PDE4D: variants seen among roughly 807,000 people sequenced by gnomAD.
PDE4D encodes phosphodiesterase 4D.
Under a neutral mutation model 87.4 loss-of-function variants are expected in PDE4D, and 24 were observed. The observed-to-expected ratio is 0.27, with a 90% CI of 0.20 to 0.39. The LOEUF is 0.39. Ranked by LOEUF, PDE4D falls within the 10% of genes least tolerant of loss-of-function variation. The pLI is 1.00. For missense variants in PDE4D, 714 were observed against 1,041.0 expected, an observed-to-expected ratio of 0.69 and a Z score of 4.32; for synonymous variants, 384 against 383.2, an observed-to-expected ratio of 1.00 and a Z score of -0.02.
intron 1 of PDE4D, among the ~76,000 whole-genome samples, chr5:59,628,246 T>C (rs889522215): frequency 6.6e-6 from 1 of 152,058 alleles, no homozygotes; most frequent in Non-Finnish European, 1.5e-5. Context: ...AACTGGGAGC[T>C]GTGTGGTGTC....
At chr5:59,023,189 AAGAG>A (rs1554048677) in intron 6 of PDE4D, among the ~76,000 whole-genome samples, 20 of 150,346 alleles carry the variant, frequency 1.3e-4, no homozygotes, top group South Asian at 1.0e-3. Context: ...AAAAAAAAAA[AAGAG>A]AGAGAGAGAG....
At chr5:59,802,634 T>C (rs935194978) in intron 1 of PDE4D, among the ~76,000 whole-genome samples, 1 of 152,028 alleles carries the variant, frequency 6.6e-6, no homozygotes, top group Admixed American at 6.6e-5. Flanking sequence ...CCTGACCTCA[T>C]GATCTGCCTG....
chr5:60,102,076 G>C (rs572080229), intron 2 of PDE4D, among the ~76,000 whole-genome samples: 2 of 152,132 alleles, frequency 1.3e-5, no homozygotes, highest in South Asian at 2.1e-4. Flanking sequence ...CTGATCTAGA[G>C]TATCAAAGAA....
At chr5:59,668,833 G>GAAGAAGAAGAAGAA (rs1561441084) in intron 1 of PDE4D, among the ~76,000 whole-genome samples, 1 of 54,064 alleles carries the variant, frequency 1.8e-5, no homozygotes, top group African/African-American at 7.8e-5. Flanking sequence ...AAGAAGAAGA[G>GAAGAAGAAGAAGAA]GAAGAGGAAG....
chr5:59,348,260 GTAT>G lies in PDE4D; in HGVS notation c.456-132295_456-132293del, dbSNP rs1181588551. On this transcript the variant is annotated intron_variant, in intron 1 of 14. Transcript: ENST00000340635. Reference sequence around the variant, plus strand: ...CTTCTGAATGATTTGGCTACATTTTGTATTATTATGTTTTTGGGGCAACTTATA... The same window carrying G: ...CTTCTGAATGATTTGGCTACATTTTGTATTATGTTTTTGGGGCAACTTATA... Among the ~76,000 whole-genome samples the G allele has an allele frequency of 2.0e-5, 3 of 152,232 alleles. No individual in the cohort carries two copies. The East Asian group carries it at 5.8e-4, about 29-fold the overall frequency.
chr5:59,613,282 G>A (rs1282993819), intron 1 of PDE4D, among the ~76,000 whole-genome samples: 1 of 152,184 alleles, frequency 6.6e-6, no homozygotes, highest in African/African-American at 2.4e-5. Flanking sequence ...GATCAGGAAG[G>A]CTCCAGGAGG....
chr5:60,076,656 T>A (rs1369562393), intron 2 of PDE4D, among the ~76,000 whole-genome samples: 2 of 139,312 alleles, frequency 1.4e-5, no homozygotes, highest in Non-Finnish European at 3.1e-5. Flanking sequence ...AGTTCCCAAC[T>A]TTGTTTTCTG....
At chr5:59,568,153 C>T (rs1007327874) in intron 1 of PDE4D, among the ~76,000 whole-genome samples, 1 of 151,994 alleles carries the variant, frequency 6.6e-6, no homozygotes, top group African/African-American at 2.4e-5. Context: ...GATGAAAGTG[C>T]ATCAAAACAA....
rs1831111848 is a variant in PDE4D at position 59,628,077 on chromosome 5, A to C, written c.455+265091T>G. On this transcript the variant is annotated intron_variant, in intron 1 of 14. Coordinates refer to ENST00000340635, the MANE Select transcript of PDE4D (RefSeq NM_001104631.2). ...AAAGACAACAACAATTAAAATAAAAAATTGCTGCCACAGAATTCACTATAA... is the reference window on the plus strand; with the variant it reads ...AAAGACAACAACAATTAAAATAAAACATTGCTGCCACAGAATTCACTATAA... 2.0e-5 allele frequency among the ~76,000 whole-genome samples: 3 copies of C among 152,314 alleles called. No individual in the cohort carries two copies. The South Asian group carries it at 6.2e-4, about 32-fold the overall frequency.
chr5:60,453,084 A>G (rs1746218950), intron 1 of PDE4D, among the ~76,000 whole-genome samples: 1 of 152,106 alleles, frequency 6.6e-6, no homozygotes, highest in Admixed American at 6.6e-5. Context: ...GAAGCCTCTT[A>G]CCTTTGCTGT....
chr5:59,643,250 T>C lies in PDE4D; in HGVS notation c.455+249918A>G, dbSNP rs150526646. Reference sequence around the variant, plus strand: ...TGCCTGACCTGAAAGTCTCCCTAAGTTGAGGAGATGGAGCTGGGAATTCAG... The same window carrying C: ...TGCCTGACCTGAAAGTCTCCCTAAGCTGAGGAGATGGAGCTGGGAATTCAG... On this transcript the variant is annotated intron_variant, in intron 1 of 14. Coordinates refer to ENST00000340635, the MANE Select transcript of PDE4D (RefSeq NM_001104631.2). Among the ~76,000 whole-genome samples, 802 of 152,124 alleles carry C rather than the reference T, an allele frequency of 5.3e-3. 12 individuals carry two copies. Among genetic ancestry groups the C allele is most frequent in the Admixed American group, 0.038 (581 of 15,290 alleles).
At chr5:59,695,047 T>C (rs1007900691) in intron 1 of PDE4D, among the ~76,000 whole-genome samples, 1 of 152,192 alleles carries the variant, frequency 6.6e-6, no homozygotes, top group Non-Finnish European at 1.5e-5. Flanking sequence ...GACTTACACT[T>C]ATATCTAATC....
At chr5:60,272,912 C>T (rs1360927149) in intron 1 of PDE4D, among the ~76,000 whole-genome samples, 1 of 152,184 alleles carries the variant, frequency 6.6e-6, no homozygotes, top group Non-Finnish European at 1.5e-5. Flanking sequence ...AAGCCACTAT[C>T]TATAATGTGA....
At chr5:59,627,581 T>C (rs997990599) in intron 1 of PDE4D, among the ~76,000 whole-genome samples, 3 of 152,172 alleles carry the variant, frequency 2.0e-5, no homozygotes, top group African/African-American at 7.2e-5. Flanking sequence ...AATGAATGCC[T>C]CCTTTAGGGG....
intron 1 of PDE4D, among the ~76,000 whole-genome samples, chr5:60,449,894 A>G: frequency 6.9e-6 from 1 of 144,370 alleles, no homozygotes; most frequent in East Asian, 2.0e-4. Flanking sequence ...AATAATAAAT[A>G]AATAAAAAGA....
rs1212541522 is a variant in PDE4D, at chr5:59,616,923, A to ATATACATATATATATATATG, written c.455+276244_455+276245insCATATATATATATATGTATA. Among the ~76,000 whole-genome samples, 37 of 118,562 alleles carry ATATACATATATATATATATG rather than the reference A, an allele frequency of 3.1e-4. 1 individual carries two copies. The highest frequency in any genetic ancestry group is 4.2e-4 in the Non-Finnish European group (24 of 57,566). 77.8% of individuals were successfully genotyped at this position (118,562 alleles called of 152,430 possible). ...TTACTTAGACCTAATAATTACATAT[A>ATATACATATATATATATATG]TATATATATATATATATATATATCT... On this transcript the variant is annotated intron_variant, in intron 1 of 14. Transcript: ENST00000340635.
chr5:60,115,645 C>A (rs1457436067), intron 2 of PDE4D, among the ~76,000 whole-genome samples: 1 of 151,968 alleles, frequency 6.6e-6, no homozygotes, highest in Non-Finnish European at 1.5e-5. Flanking sequence ...ATTAAACAGC[C>A]AGTTAGTGAC....
chr5:59,704,833 A>G (rs1302177421), intron 1 of PDE4D, among the ~76,000 whole-genome samples: 1 of 152,158 alleles, frequency 6.6e-6, no homozygotes, highest in African/African-American at 2.4e-5. Flanking sequence ...TCATAATCCA[A>G]CTTACATACA....
chr5:60,428,289 G>A (rs1043405898), intron 1 of PDE4D, among the ~76,000 whole-genome samples: 11 of 151,692 alleles, frequency 7.3e-5, no homozygotes, highest in African/African-American at 2.4e-4. Flanking sequence ...GAGAGATAAG[G>A]GGGTATAACT....
Sources: allele counts gnomAD v4.1 joint callset (sites outside exome capture counted in the v4.1 genomes callset), GRCh38; gene constraint gnomAD v4.1.1; transcripts MANE v1.5; gene names NCBI Gene and HGNC (gene_info 2026-07-23, HGNC 2026-07-21).